TMEM132D: variants seen among roughly 807,000 people sequenced by gnomAD.
TMEM132D encodes the protein mature OL transmembrane protein.
Under a neutral mutation model 62.3 loss-of-function variants are expected in TMEM132D, and 21 were observed. That is an observed-to-expected ratio of 0.34 (90% CI 0.24 to 0.49). The LOEUF is 0.49. TMEM132D is among the 20% of genes least tolerant of loss of function. The probability of loss-of-function intolerance (pLI) is 0.99; values close to 1 mark genes in which losing one functional copy is unlikely to be tolerated. For synonymous variants in TMEM132D, 621 were observed against 575.6 expected (o/e 1.08, Z -1.13); for missense variants, 1,346 against 1,402.8 (o/e 0.96, Z 0.65).
intron 2 of TMEM132D, among the ~76,000 whole-genome samples, chr12:129,543,093 G>A (rs12829712): frequency 6.9e-6 from 1 of 145,938 alleles, no homozygotes; most frequent in African/African-American, 2.5e-5. Flanking sequence ...TTGATAGATA[G>A]ATTAGAAAGA....
In TMEM132D at chr12:129,803,671, G is replaced by A. The variant is rs1410047572; in HGVS notation, c.79+99590C>T. Reference sequence around the variant, plus strand: ...AAACACATTCAAAAGCTAGCAGAAGGCAAGAAATAACTAAAATCAGAGCAG... The same window carrying A: ...AAACACATTCAAAAGCTAGCAGAAGACAAGAAATAACTAAAATCAGAGCAG... On this transcript the variant is annotated intron_variant, in intron 1 of 8. Coordinates refer to ENST00000422113, the MANE Select transcript of TMEM132D (RefSeq NM_133448.3). Among the ~76,000 whole-genome samples, 27 of 151,114 alleles carry A rather than the reference G, an allele frequency of 1.8e-4. 1 individual carries two copies. Among genetic ancestry groups the A allele is most frequent in the African/African-American group, 6.1e-4 (25 of 41,072 alleles).
At chr12:129,693,580 G>A (rs1881116499) in intron 2 of TMEM132D, among the ~76,000 whole-genome samples, 2 of 152,132 alleles carry the variant, frequency 1.3e-5, no homozygotes, top group East Asian at 1.9e-4. Flanking sequence ...TGCTGGTGAG[G>A]TGGGATAGGT....
At chr12:129,490,402 T>C (rs1201481943) in intron 3 of TMEM132D, among the ~76,000 whole-genome samples, 1 of 146,650 alleles carries the variant, frequency 6.8e-6, no homozygotes, top group African/African-American at 2.5e-5. Flanking sequence ...AAATTTCACC[T>C]GAACATCATA....
intron 2 of TMEM132D, among the ~76,000 whole-genome samples, chr12:129,568,741 T>C (rs1877434299): frequency 6.6e-6 from 1 of 152,262 alleles, no homozygotes. Context: ...TTATATTTAA[T>C]GGTATGTTTG....
intron 2 of TMEM132D, among the ~76,000 whole-genome samples, chr12:129,559,436 G>A (rs1233903958): frequency 6.6e-6 from 1 of 152,198 alleles, no homozygotes; most frequent in South Asian, 2.1e-4. Context: ...GAGACGAGAG[G>A]TCTCGTAGAT....
intron 5 of TMEM132D, among the ~76,000 whole-genome samples, chr12:129,105,923 AC>A: frequency 6.6e-6 from 1 of 151,328 alleles, no homozygotes; most frequent in South Asian, 2.1e-4. Flanking sequence ...CTGGGTATAT[AC>A]CCAAAGGACT....
At chr12:129,716,608 T>C (rs1341757520) in intron 1 of TMEM132D, among the ~76,000 whole-genome samples, 3 of 152,190 alleles carry the variant, frequency 2.0e-5, no homozygotes, top group Admixed American at 2.0e-4. Context: ...ATCCACGTCC[T>C]AATCCCAGGA....
chr12:129,334,676 G>A (rs1234244503), intron 4 of TMEM132D, among the ~76,000 whole-genome samples: 3 of 152,200 alleles, frequency 2.0e-5, no homozygotes, highest in South Asian at 2.1e-4. Context: ...TGTCACCTCC[G>A]CCTCCTGGGT....
chr12:129,286,307 A>T (rs547000583), intron 4 of TMEM132D, among the ~76,000 whole-genome samples: 1 of 152,316 alleles, frequency 6.6e-6, no homozygotes, highest in East Asian at 1.9e-4. Context: ...TAAAATTCAG[A>T]AAACATATCA....
At chr12:129,494,183 G>A (rs1178263991) in intron 3 of TMEM132D, among the ~76,000 whole-genome samples, 2 of 152,212 alleles carry the variant, frequency 1.3e-5, no homozygotes, top group Non-Finnish European at 2.9e-5. Flanking sequence ...TGAACCAGTG[G>A]AAGTCAACAA....
intron 1 of TMEM132D, among the ~76,000 whole-genome samples, chr12:129,767,697 T>G (rs1870596301): frequency 6.6e-6 from 1 of 152,212 alleles, no homozygotes; most frequent in African/African-American, 2.4e-5. Context: ...CTAAATTATA[T>G]TCCACTATGT....
chr12:129,301,164 G>A (rs1276296934), intron 4 of TMEM132D, among the ~76,000 whole-genome samples: 1 of 152,118 alleles, frequency 6.6e-6, no homozygotes, highest in Non-Finnish European at 1.5e-5. Context: ...TGGAAAGCAA[G>A]GAACTCTCCC....
intron 4 of TMEM132D, among the ~76,000 whole-genome samples, chr12:129,253,657 C>T (rs986839263): frequency 2.0e-5 from 3 of 152,192 alleles, no homozygotes; most frequent in Admixed American, 6.5e-5. Flanking sequence ...CTCAACTGAA[C>T]TCAGCATCTT....
intron 1 of TMEM132D, among the ~76,000 whole-genome samples, chr12:129,894,746 C>T (rs1043142276): frequency 1.3e-5 from 2 of 150,116 alleles, no homozygotes; most frequent in African/African-American, 4.9e-5. Flanking sequence ...TGTAGTTTCT[C>T]TTTTTTTTTT....
intron 1 of TMEM132D, among the ~76,000 whole-genome samples, chr12:129,751,970 A>G (rs1174767635): frequency 6.6e-6 from 1 of 152,182 alleles, no homozygotes; most frequent in Non-Finnish European, 1.5e-5. Context: ...TTCATACAAC[A>G]TTAATCTTGT....
chr12:129,079,671 C>T lies in TMEM132D; in HGVS notation c.1924-946G>A, dbSNP rs929571859. 8.5e-5 allele frequency among the ~76,000 whole-genome samples: 13 copies of T among 152,250 alleles called. 1 individual carries two copies. The highest frequency in any genetic ancestry group is 7.2e-4 in the Admixed American group (11 of 15,298). ...TGATGTAGGTCAAGACAGCAGTTTTCCCAGGACCCTTTGAGACCAGGAATC... is the reference window on the plus strand; with the variant it reads ...TGATGTAGGTCAAGACAGCAGTTTTTCCAGGACCCTTTGAGACCAGGAATC... On this transcript the variant is annotated intron_variant, in intron 7 of 8. Coordinates refer to ENST00000422113, the MANE Select transcript of TMEM132D (RefSeq NM_133448.3).
chr12:129,260,942 T>C (rs553012235), intron 4 of TMEM132D, among the ~76,000 whole-genome samples: 1 of 152,300 alleles, frequency 6.6e-6, no homozygotes, highest in Admixed American at 6.5e-5. Context: ...TTCCATATCT[T>C]TGCAATTGCA....
At position 129,198,265 on chromosome 12, in the gene TMEM132D, G is replaced by A. The variant is rs549984168; in HGVS notation, c.1443+11255C>T. ...ATGGAGAACCATACGGAGGTTACTC[G>A]AAAAACTAAAATAGAATTACCATAT... On this transcript the variant is annotated intron_variant, in intron 5 of 8. Coordinates refer to ENST00000422113, the MANE Select transcript of TMEM132D (RefSeq NM_133448.3). Among the ~76,000 whole-genome samples, 7 of 152,256 alleles carry A rather than the reference G, an allele frequency of 4.6e-5. No individual in the cohort carries two copies. The East Asian group carries it at 9.6e-4, about 21-fold the overall frequency.
At chr12:129,580,629 G>A (rs886870078) in intron 2 of TMEM132D, among the ~76,000 whole-genome samples, 4 of 152,026 alleles carry the variant, frequency 2.6e-5, no homozygotes, top group Non-Finnish European at 5.9e-5. Context: ...GCTTAAACCC[G>A]GGAGGCAAAG....
Sources: allele counts gnomAD v4.1 joint callset (sites outside exome capture counted in the v4.1 genomes callset), GRCh38; gene constraint gnomAD v4.1.1; transcripts MANE v1.5; gene names NCBI Gene and HGNC (gene_info 2026-07-23, HGNC 2026-07-21).